Variants in PAFAH1B1 observed in about 807,000 individuals in gnomAD.
PAFAH1B1 encodes the protein platelet activating factor acetylhydrolase 1b regulatory subunit 1, also known as platelet-activating factor acetylhydrolase IB subunit beta.
In PAFAH1B1, 2 loss-of-function variants were observed where a neutral mutation model predicts 57.5. That is an observed-to-expected ratio of 0.03 (90% CI 0.01 to 0.11). The LOEUF (loss-of-function observed/expected upper bound fraction) is 0.11, where lower values mean the gene tolerates loss of function less well. Among genes scored for constraint, PAFAH1B1 ranks in the 10% least tolerant of loss-of-function variants. The pLI is 1.00. For synonymous variants in PAFAH1B1, 152 were observed against 169.6 expected, an observed-to-expected ratio of 0.90 and a Z score of 0.81; for missense variants, 257 against 512.0, an observed-to-expected ratio of 0.50 and a Z score of 4.81.
In PAFAH1B1 at chr17:2,612,798, G is replaced by A. The variant is rs529314147; in HGVS notation, c.-191+18792G>A. 3.3e-5 allele frequency among the ~76,000 whole-genome samples: 5 copies of A among 151,652 alleles called. No individual in the cohort carries two copies. In the East Asian group the frequency reaches 9.8e-4, roughly 30 times the overall value. The stretch of plus-strand genomic sequence containing the variant: ...GCTGTTTTTGATTTTTTGTAGAGGT[G>A]GGGATCTCACTTTTTTGCCCAGGCT... On this transcript the variant is annotated intron_variant, in intron 1 of 10. Transcript: ENST00000397195.
chr17:2,609,941 C>T (rs1204019368), intron 1 of PAFAH1B1, among the ~76,000 whole-genome samples: 2 of 152,234 alleles, frequency 1.3e-5, no homozygotes, highest in African/African-American at 2.4e-5. Flanking sequence ...TCTTGTGCCT[C>T]AGCCTCCCAA....
chr17:2,601,927 A>G (rs1567522577), intron 1 of PAFAH1B1, among the ~76,000 whole-genome samples: 1 of 152,230 alleles, frequency 6.6e-6, no homozygotes, highest in Non-Finnish European at 1.5e-5. Flanking sequence ...CAAATGTAGA[A>G]ATGAGCTAAG....
chr17:2,639,052 A>G (rs993341541), intron 2 of PAFAH1B1, among the ~76,000 whole-genome samples: 52 of 152,090 alleles, frequency 3.4e-4, no homozygotes, highest in African/African-American at 1.2e-3. Flanking sequence ...GGTGACCGTC[A>G]ACACGCCTGG....
chr17:2,594,747 C>A (rs1362906940), intron 1 of PAFAH1B1, among the ~76,000 whole-genome samples: 1 of 152,234 alleles, frequency 6.6e-6, no homozygotes, highest in Admixed American at 6.5e-5. Context: ...CCTTTTGATG[C>A]TGTTAACATT....
chr17:2,676,781 C>G lies in PAFAH1B1; in HGVS notation c.1002+175C>G, dbSNP rs531979024. Among the ~76,000 whole-genome samples, 199 of 152,286 alleles carry G rather than the reference C, an allele frequency of 1.3e-3. 1 individual carries two copies. Among genetic ancestry groups the G allele is most frequent in the African/African-American group, 4.7e-3 (194 of 41,560 alleles). ...TGTTATAGTGATGTGAAAGTTATTT[C>G]TCTAGAATGCAGATTCTATAAAGAA... On this transcript the variant is annotated intron_variant, in intron 9 of 10. Coordinates refer to ENST00000397195, the MANE Select transcript of PAFAH1B1 (RefSeq NM_000430.4).
At chr17:2,679,957 C>T in intron 9 of PAFAH1B1, 1 of 577,084 alleles carries the variant, frequency 1.7e-6, no homozygotes, top group East Asian at 2.9e-5. Flanking sequence ...TTTTAACCCT[C>T]ATCCAGGACC....
chr17:2,599,944 T>C (rs1204582824), intron 1 of PAFAH1B1, among the ~76,000 whole-genome samples: 1 of 151,568 alleles, frequency 6.6e-6, no homozygotes, highest in African/African-American at 2.4e-5. Flanking sequence ...ATTAAAATTT[T>C]ACAGTGCAGA....
At chr17:2,659,098 A>G (rs901736353) in intron 2 of PAFAH1B1, among the ~76,000 whole-genome samples, 4 of 152,158 alleles carry the variant, frequency 2.6e-5, no homozygotes, top group South Asian at 2.1e-4. Context: ...TAAAAATACA[A>G]AAATTAGCTG....
At chr17:2,613,102 C>CA (rs2068286915) in intron 1 of PAFAH1B1, among the ~76,000 whole-genome samples, 1 of 138,032 alleles carries the variant, frequency 7.2e-6, no homozygotes, top group Admixed American at 7.2e-5. Context: ...TTTGTTGGAA[C>CA]AAAACCATAT....
At chr17:2,639,983 G>A (rs1004071567) in intron 2 of PAFAH1B1, 47 of 152,266 alleles carry the variant, frequency 3.1e-4, no homozygotes, top group African/African-American at 1.1e-3. Flanking sequence ...TTAGCACAAA[G>A]CATACTAATG....
At chr17:2,656,958 G>C (rs1053425653) in intron 2 of PAFAH1B1, among the ~76,000 whole-genome samples, 1 of 151,736 alleles carries the variant, frequency 6.6e-6, no homozygotes, top group Non-Finnish European at 1.5e-5. Context: ...GTCTCGCTCT[G>C]TAGCCCAGGC....
At position 2,684,848 on chromosome 17, in the gene PAFAH1B1, C is replaced by CA. The variant is rs1264580840; in HGVS notation, c.*3047dup. On this transcript the variant is annotated 3_prime_UTR_variant, in exon 11 of 11. Transcript: ENST00000397195. ...TTACCAAGCCCCGCCTCCCCGCTGC[C>CA]AGTGCCCTGCTCTCCCGTTCGCCTC... 1 of 152,600 alleles carries CA rather than the reference C, an allele frequency of 6.6e-6. No homozygotes were observed. The highest frequency in any genetic ancestry group is 1.5e-5 in the Non-Finnish European group (1 of 68,044). The allele number at this position is 152,600 out of a possible 1,614,324, so 9.5% of individuals were successfully genotyped here.
At chr17:2,627,533 A>G (rs1358216418) in intron 1 of PAFAH1B1, among the ~76,000 whole-genome samples, 1 of 152,178 alleles carries the variant, frequency 6.6e-6, no homozygotes, top group Non-Finnish European at 1.5e-5. Context: ...TGATGCCTCC[A>G]GATTTGTTCT....
At chr17:2,679,102 T>A (rs967076531) in intron 9 of PAFAH1B1, among the ~76,000 whole-genome samples, 1 of 152,236 alleles carries the variant, frequency 6.6e-6, no homozygotes, top group Non-Finnish European at 1.5e-5. Context: ...TTTTCTTTAA[T>A]GTGTAGATGA....
intron 2 of PAFAH1B1, among the ~76,000 whole-genome samples, chr17:2,647,307 A>C (rs1045435732): frequency 6.6e-6 from 1 of 152,186 alleles, no homozygotes; most frequent in South Asian, 2.1e-4. Flanking sequence ...TGGAGGTTGC[A>C]GTGAGCCGAG....
chr17:2,612,210 C>CTT (rs529559637), intron 1 of PAFAH1B1, among the ~76,000 whole-genome samples: 19 of 130,572 alleles, frequency 1.5e-4, no homozygotes, highest in East Asian at 6.5e-4. Context: ...GAAAATGGCA[C>CTT]TTTTTTTTTT....
intron 2 of PAFAH1B1, among the ~76,000 whole-genome samples, chr17:2,662,184 G>C (rs75882653): frequency 0.13 from 20,344 of 152,026 alleles, 2,246 homozygotes; most frequent in African/African-American, 0.3. Flanking sequence ...AAAATCGAAT[G>C]CTGGCATTTT....
chr17:2,671,107 AT>A (rs2151664735), intron 6 of PAFAH1B1, among the ~76,000 whole-genome samples: 1 of 152,346 alleles, frequency 6.6e-6, no homozygotes, highest in South Asian at 2.1e-4. Context: ...CCTAGAGGGC[AT>A]AATTTGAAGG....
At chr17:2,607,204 T>C (rs879617891) in intron 1 of PAFAH1B1, among the ~76,000 whole-genome samples, 8 of 152,014 alleles carry the variant, frequency 5.3e-5, no homozygotes, top group Admixed American at 5.3e-4. Flanking sequence ...AGACAGAGTC[T>C]TGCTCTGTCA....
Sources: allele counts gnomAD v4.1 joint callset (sites outside exome capture counted in the v4.1 genomes callset), GRCh38; gene constraint gnomAD v4.1.1; transcripts MANE v1.5; gene names NCBI Gene and HGNC (gene_info 2026-07-23, HGNC 2026-07-21).